Variants in SATB1 observed in about 807,000 individuals in gnomAD.
The protein encoded by SATB1 is SATB homeobox 1.
A neutral mutation model predicts 86.9 loss-of-function variants in SATB1; 11 were observed. That is an observed-to-expected ratio of 0.13 (90% confidence interval 0.08 to 0.21). SATB1 has a LOEUF of 0.21. Ranked by LOEUF, SATB1 falls within the 10% of genes least tolerant of loss-of-function variation. The pLI, the probability that SATB1 is intolerant of heterozygous loss-of-function variation, is 1.00. For synonymous variants in SATB1, 357 were observed against 357.2 expected, an observed-to-expected ratio of 1.00 and a Z score of 0.01; for missense variants, 551 against 937.6, an observed-to-expected ratio of 0.59 and a Z score of 5.39.
At chr3:18,361,024 A>G (rs1488322563) in intron 9 of SATB1, among the ~76,000 whole-genome samples, 3 of 152,206 alleles carry the variant, frequency 2.0e-5, no homozygotes, top group African/African-American at 4.8e-5. Flanking sequence ...AAAATAATAA[A>G]TAACAGAACA....
chr3:18,417,309 T>C (rs1698168469), intron 2 of SATB1: 1 of 577,638 alleles, frequency 1.7e-6, no homozygotes. Flanking sequence ...GGTCCTAAGG[T>C]AAGCTGTGCT....
intron 8 of SATB1, among the ~76,000 whole-genome samples, chr3:18,378,752 G>A (rs972843747): frequency 6.6e-6 from 1 of 152,028 alleles, no homozygotes; most frequent in Non-Finnish European, 1.5e-5. Context: ...ATCACTAATA[G>A]CTATTACATA....
chr3:18,377,811 A>G (rs564936563), intron 9 of SATB1, among the ~76,000 whole-genome samples: 1 of 152,258 alleles, frequency 6.6e-6, no homozygotes, highest in East Asian at 1.9e-4. Context: ...TTTAGTAGGA[A>G]AAAAAATAAA....
upstream of SATB1, among the ~76,000 whole-genome samples, chr3:18,439,049 T>C (rs1196801904): frequency 6.6e-6 from 1 of 152,160 alleles, no homozygotes; most frequent in Non-Finnish European, 1.5e-5. Flanking sequence ...TCCAGCGAAA[T>C]CTTTTCTCCA....
chr3:18,369,732 G>A (rs925054058), intron 9 of SATB1, among the ~76,000 whole-genome samples: 2 of 152,254 alleles, frequency 1.3e-5, no homozygotes, highest in Non-Finnish European at 2.9e-5. Flanking sequence ...GAGGAAAAAG[G>A]AGGAGGAGAG....
At chr3:18,356,091 T>C (rs1694618467) in intron 9 of SATB1, among the ~76,000 whole-genome samples, 1 of 151,828 alleles carries the variant, frequency 6.6e-6, no homozygotes, top group Non-Finnish European at 1.5e-5. Context: ...CCCCTATTAC[T>C]TAAAAAAAAC....
rs1694010265 is a variant in SATB1 at position 18,345,558 on chromosome 3, A to G, written c.*3612T>C. On this transcript the variant is annotated 3_prime_UTR_variant, in exon 11 of 11. Transcript: ENST00000338745. ...GTCAAAAGACATGCAAGTATTTAGTATTTACATTAAAAGGATTGCCTCAGA... is the reference window on the plus strand; with the variant it reads ...GTCAAAAGACATGCAAGTATTTAGTGTTTACATTAAAAGGATTGCCTCAGA... 1 of 152,134 alleles carries G rather than the reference A, an allele frequency of 6.6e-6. No individual in the cohort carries two copies. The highest frequency in any genetic ancestry group is 1.5e-5 in the Non-Finnish European group (1 of 67,964). 9.4% of individuals were successfully genotyped at this position (152,134 alleles called of 1,614,324 possible). A position where few individuals can be genotyped will look rare whatever the true frequency, so the allele number is the denominator to read the frequency against.
At chr3:18,428,871 A>G (rs1176141905), upstream of SATB1, among the ~76,000 whole-genome samples, 1 of 152,252 alleles carries the variant, frequency 6.6e-6, no homozygotes, top group Non-Finnish European at 1.5e-5. Flanking sequence ...AGAGTTCTGA[A>G]TAGCACATAC....
Position 18,349,575 on chromosome 3 carries a change from G to T in SATB1, c.1887C>A (p.Pro629=). 6.2e-7 allele frequency: 1 copy of T among 1,613,870 alleles called. No homozygotes were observed. Among genetic ancestry groups the T allele is most frequent in the Non-Finnish European group, 8.5e-7 (1 of 1,179,982 alleles). The change falls in exon 11 of 11, where the codon CCC becomes CCA. Residue 629 remains proline (P), a synonymous_variant. Transcript: ENST00000338745. This position sits in a 1 kb window ranked among gnomAD's most constrained non-coding sequence, Gnocchi z 5.5. ...QTGPRLPPRQ[P]TVASPAESDE... Reference sequence around the variant, plus strand: ...CTGACTCTGCTGGAGAGGCCACCGTGGGTTGCCGTGGGGGGAGCCGAGGGC... The same window carrying T: ...CTGACTCTGCTGGAGAGGCCACCGTTGGTTGCCGTGGGGGGAGCCGAGGGC...
At chr3:18,442,949 T>G (rs1309410700), upstream of SATB1, among the ~76,000 whole-genome samples, 1 of 152,164 alleles carries the variant, frequency 6.6e-6, no homozygotes. Context: ...GGACTACTGC[T>G]AAATCATAGC....
At chr3:18,371,945 C>A (rs1041016116) in intron 9 of SATB1, among the ~76,000 whole-genome samples, 15 of 152,174 alleles carry the variant, frequency 9.9e-5, no homozygotes, top group Admixed American at 4.6e-4. Flanking sequence ...GCTGTTTTCC[C>A]TACTTTCTGT....
chr3:18,431,073 C>T (rs1314590730), intron 2 of SATB1, among the ~76,000 whole-genome samples: 4 of 152,154 alleles, frequency 2.6e-5, no homozygotes, highest in Admixed American at 1.3e-4. Context: ...GTATGGATCA[C>T]TTATTTGACA....
intron 5 of SATB1, among the ~76,000 whole-genome samples, chr3:18,405,185 T>C (rs1697460304): frequency 6.6e-6 from 1 of 152,030 alleles, no homozygotes; most frequent in Non-Finnish European, 1.5e-5. Flanking sequence ...AGTTTTTCAT[T>C]AGATAAATAT....
chr3:18,411,895 G>C (rs1697860756), intron 5 of SATB1, among the ~76,000 whole-genome samples: 1 of 151,998 alleles, frequency 6.6e-6, no homozygotes, highest in African/African-American at 2.4e-5. Flanking sequence ...ATCAAACTAA[G>C]CCCACTTATG....
At chr3:18,427,911 T>C (rs1014773732), upstream of SATB1, among the ~76,000 whole-genome samples, 1 of 152,198 alleles carries the variant, frequency 6.6e-6, no homozygotes, top group African/African-American at 2.4e-5. Flanking sequence ...AAATGGCACA[T>C]AGAGGTTAAT....
rs755014525 is a variant in SATB1 at position 18,349,562 on chromosome 3, G to A, written c.1900C>T (p.Pro634Ser). 20 of 1,613,870 alleles carry A rather than the reference G, an allele frequency of 1.2e-5. No individual in the cohort carries two copies. Among genetic ancestry groups the A allele is most frequent in the Non-Finnish European group, 1.6e-5 (19 of 1,180,026 alleles). Residue 634 changes from proline (P) to serine (S), a missense_variant, in exon 11 of 11, where the codon CCA becomes TCA. Transcript: ENST00000338745. The surrounding 1 kb of genome is among the most constrained non-coding windows in gnomAD (Gnocchi z 5.5). ...CGGTTTTCCTCATCTGACTCTGCTG[G>A]AGAGGCCACCGTGGGTTGCCGTGGG... is the stretch of plus-strand genomic sequence containing the variant. The part of the protein sequence containing the change: ...LPPRQPTVAS[P>S]AESDEENRQK...
intron 7 of SATB1, among the ~76,000 whole-genome samples, chr3:18,389,497 C>G (rs751641789): frequency 3.9e-5 from 6 of 151,954 alleles, no homozygotes; most frequent in African/African-American, 7.2e-5. Flanking sequence ...TATTTATATG[C>G]TGAATTCAAG....
At chr3:18,421,377 A>G (rs1055142084) in intron 1 of SATB1, 1 of 169,246 alleles carries the variant, frequency 5.9e-6, no homozygotes, top group Non-Finnish European at 1.3e-5. Flanking sequence ...TACAGCAGAA[A>G]CACTTTAATA....
intron 2 of SATB1, among the ~76,000 whole-genome samples, chr3:18,419,897 A>T (rs775271535): frequency 3.9e-5 from 6 of 152,234 alleles, no homozygotes; most frequent in Non-Finnish European, 7.3e-5. Flanking sequence ...GATAAATGTT[A>T]CGCATCAAAC....
Sources: allele counts gnomAD v4.1 joint callset (sites outside exome capture counted in the v4.1 genomes callset), GRCh38; gene constraint gnomAD v4.1.1; non-coding constraint Gnocchi (gnomAD v3.1); transcripts MANE v1.5; gene names NCBI Gene and HGNC (gene_info 2026-07-23, HGNC 2026-07-21).